KCNT2: variants seen among roughly 807,000 people sequenced by gnomAD.
KCNT2 encodes potassium sodium-activated channel subfamily T member 2, also known as potassium channel subfamily T member 2.
KCNT2 carries 67 observed loss-of-function variants against 153.8 expected under a neutral mutation model. The ratio of observed to expected loss-of-function variants is 0.44; its 90% CI spans 0.36 to 0.53. KCNT2 has a LOEUF of 0.53. KCNT2 is among the 20% of genes least tolerant of loss of function. KCNT2 has a pLI of 0.00. For synonymous variants in KCNT2, 500 were observed against 458.8 expected (o/e 1.09, Z -1.15); for missense variants, 975 against 1,354.8 (o/e 0.72, Z 4.40).
At chr1:196,429,504 T>A (rs772517858) in intron 9 of KCNT2, 73 bp downstream of exon 9, 7 of 981,790 alleles carry the variant, frequency 7.1e-6, no homozygotes, top group Non-Finnish European at 8.8e-6. Flanking sequence ...CACTTTCCAT[T>A]TCTTATTAAA....
chr1:196,492,926 A>T (rs1004502217), intron 1 of KCNT2, among the ~76,000 whole-genome samples: 2 of 152,168 alleles, frequency 1.3e-5, no homozygotes, highest in East Asian at 3.8e-4. Context: ...GGCAAATAGA[A>T]CTGTTAAGGT....
At position 196,331,324 on chromosome 1, in the gene KCNT2, G is replaced by A. The variant is rs1013958928; in HGVS notation, c.1998-63C>T. On this transcript the variant is annotated intron_variant, in intron 17 of 27. Coordinates refer to ENST00000294725, the MANE Select transcript of KCNT2 (RefSeq NM_198503.5). ...ATGCAAATTTGAGAAATTAAGTTAC[G>A]ACCATGTTCCTCTGTTTTAATAACA... 79 of 828,912 alleles carry A rather than the reference G, an allele frequency of 9.5e-5. No homozygotes were observed. The African/African-American group carries it at 1.1e-3, about 11-fold the overall frequency. The allele number at this position is 828,912 out of a possible 1,614,324, so 51.3% of individuals were successfully genotyped here. A position where few individuals can be genotyped will look rare whatever the true frequency, so the allele number is the denominator to read the frequency against.
At chr1:196,345,086 C>T (rs907897754) in intron 14 of KCNT2, among the ~76,000 whole-genome samples, 12 of 151,992 alleles carry the variant, frequency 7.9e-5, no homozygotes, top group Non-Finnish European at 1.5e-4. Context: ...ACCTGTGAAA[C>T]GTCAGGAAAG....
chr1:196,572,336 G>A (rs1302018253), intron 1 of KCNT2, among the ~76,000 whole-genome samples: 3 of 152,088 alleles, frequency 2.0e-5, no homozygotes, highest in Non-Finnish European at 4.4e-5. Flanking sequence ...AGTAGTAGAT[G>A]TTGGTGTGAT....
chr1:196,340,424 T>G lies in KCNT2; in HGVS notation c.1700A>C (p.Asp567Ala). The change falls in exon 16 of 28, where the codon GAC becomes GCC. Residue 567 changes from aspartate (D) to alanine (A), a missense_variant. Physicochemically the swap from Asp to Ala is moderately radical, Grantham distance 126. Around this residue, in one of 6 missense-constraint regions of KCNT2, gnomAD observed 325 missense variants for 388.1 expected, o/e 0.84. Transcript: ENST00000294725. ...GGACACATTGCTTTTTCTCTGCTGGTCTTGGTTTTTAAATGCTGAATTCTC... is the reference window on the plus strand; with the variant it reads ...GGACACATTGCTTTTTCTCTGCTGGGCTTGGTTTTTAAATGCTGAATTCTC... ...KEENSAFKNQDQQRKSNVSRS... is the reference protein window; with the variant it reads ...KEENSAFKNQAQQRKSNVSRS... 1 of 1,612,954 alleles carries G rather than the reference T, an allele frequency of 6.2e-7. No homozygotes were observed. Among genetic ancestry groups the G allele is most frequent in the Non-Finnish European group, 8.5e-7 (1 of 1,179,288 alleles).
intron 21 of KCNT2, among the ~76,000 whole-genome samples, chr1:196,313,405 G>GAAAT (rs1662384416): frequency 6.6e-6 from 1 of 151,442 alleles, no homozygotes; most frequent in Non-Finnish European, 1.5e-5. Flanking sequence ...TAAGATTGTT[G>GAAAT]AAATCATCAA....
At chr1:196,455,818 T>C (rs1676620828) in intron 8 of KCNT2, among the ~76,000 whole-genome samples, 2 of 151,998 alleles carry the variant, frequency 1.3e-5, no homozygotes, top group Admixed American at 6.6e-5. Flanking sequence ...GTACACTGGC[T>C]GTGAAAACCT....
At chr1:196,353,761 G>A (rs959930361) in intron 14 of KCNT2, among the ~76,000 whole-genome samples, 2 of 151,978 alleles carry the variant, frequency 1.3e-5, no homozygotes, top group Admixed American at 1.3e-4. Flanking sequence ...TAGCTAATAA[G>A]TAGTTGGATC....
intron 1 of KCNT2, among the ~76,000 whole-genome samples, chr1:196,570,962 C>A (rs1328962610): frequency 6.6e-6 from 1 of 152,064 alleles, no homozygotes; most frequent in Non-Finnish European, 1.5e-5. Context: ...AGACAGCTCA[C>A]TCTCCTGGCC....
chr1:196,469,137 G>T, intron 5 of KCNT2, 69 bp from the exon 6 acceptor site: 2 of 855,214 alleles, frequency 2.3e-6, no homozygotes, highest in Non-Finnish European at 3.9e-6. Flanking sequence ...GAAAAAGACA[G>T]CACTTAGAAT....
At chr1:196,441,890 A>G (rs1309328199) in intron 8 of KCNT2, among the ~76,000 whole-genome samples, 1 of 151,850 alleles carries the variant, frequency 6.6e-6, no homozygotes, top group Non-Finnish European at 1.5e-5. Context: ...ACTGTGCTTA[A>G]TGTAAAATGT....
At chr1:196,389,644 A>G (rs1670299591) in intron 13 of KCNT2, among the ~76,000 whole-genome samples, 1 of 151,710 alleles carries the variant, frequency 6.6e-6, no homozygotes. Flanking sequence ...TTATAGATCA[A>G]GTGGATATCT....
chr1:196,585,946 GA>G (rs1425078645), intron 1 of KCNT2, among the ~76,000 whole-genome samples: 1 of 151,898 alleles, frequency 6.6e-6, no homozygotes, highest in Non-Finnish European at 1.5e-5. Context: ...CAACTCTATT[GA>G]ACTCTTAATT....
intron 14 of KCNT2, among the ~76,000 whole-genome samples, chr1:196,352,639 A>G (rs1666824183): frequency 6.6e-6 from 1 of 151,532 alleles, no homozygotes; most frequent in Non-Finnish European, 1.5e-5. Flanking sequence ...AATTTTGTTG[A>G]TCCTTTCAAA....
rs139566421 is a variant in KCNT2, at chr1:196,547,723, T to C, written c.96-55382A>G. Among the ~76,000 whole-genome samples the C allele has an allele frequency of 9.8e-3, 1,493 of 152,072 alleles. 20 individuals are homozygous for C. Among genetic ancestry groups the C allele is most frequent in the Middle Eastern group, 0.065 (19 of 294 alleles). ...ATGTCTAAAATTATCACATCAATAA[T>C]ATTTTTGAGTGAGTTTCCTTATTTA... On this transcript the variant is annotated intron_variant, in intron 1 of 27. Coordinates refer to ENST00000294725, the MANE Select transcript of KCNT2 (RefSeq NM_198503.5).
chr1:196,329,849 A>G (rs975907268), intron 18 of KCNT2, among the ~76,000 whole-genome samples: 2 of 141,500 alleles, frequency 1.4e-5, no homozygotes, highest in African/African-American at 5.4e-5. Flanking sequence ...TTATGTACAT[A>G]TATGTATATA....
chr1:196,355,655 G>T (rs1033049514), intron 14 of KCNT2, among the ~76,000 whole-genome samples: 4 of 151,650 alleles, frequency 2.6e-5, no homozygotes, highest in Non-Finnish European at 5.9e-5. Context: ...GTTTTTTGAA[G>T]TGTTCATTTA....
chr1:196,410,374 A>G (rs1219588466), intron 12 of KCNT2, among the ~76,000 whole-genome samples: 1 of 151,236 alleles, frequency 6.6e-6, no homozygotes, highest in Non-Finnish European at 1.5e-5. Flanking sequence ...TAATGAGAAC[A>G]CATGGACACA....
intron 19 of KCNT2, among the ~76,000 whole-genome samples, chr1:196,324,869 A>G (rs1255243098): frequency 6.6e-6 from 1 of 152,086 alleles, no homozygotes; most frequent in Admixed American, 6.6e-5. Flanking sequence ...TAATCCTAAT[A>G]TACAAATCAA....
Sources: gnomAD v4.1 joint callset for allele counts (sites outside exome capture counted in the v4.1 genomes callset) on GRCh38, gnomAD v4.1.1 for gene constraint, gnomAD v4.1.1 regional missense constraint, MANE v1.5 for transcripts, NCBI Gene and HGNC (gene_info 2026-07-23, HGNC 2026-07-21) for gene names.